The following CFAP161 variants were observed in gnomAD, a reference collection of about 807,000 sequenced individuals.
The protein encoded by CFAP161 is cilia- and flagella-associated protein 161.
CFAP161 carries 25 observed loss-of-function variants against 29.0 expected under a neutral mutation model. The observed-to-expected ratio is 0.86, with a 90% CI of 0.63 to 1.20. The LOEUF (loss-of-function observed/expected upper bound fraction) is 1.20, where lower values mean the gene tolerates loss of function less well. CFAP161 is among the 50% of genes most tolerant of loss of function. The pLI is 0.00. For synonymous variants in CFAP161, 116 were observed against 137.4 expected, an observed-to-expected ratio of 0.84 and a Z score of 1.09; for missense variants, 367 against 371.9, an observed-to-expected ratio of 0.99 and a Z score of 0.11.
chr15:81,108,424 G>A (rs373598218), intron 1 of CFAP161, among the ~76,000 whole-genome samples: 51 of 152,142 alleles, frequency 3.4e-4, no homozygotes, highest in African/African-American at 1.2e-3. Flanking sequence ...GGCCAGATAA[G>A]GGGTAGGAAG....
intron 5 of CFAP161, among the ~76,000 whole-genome samples, chr15:81,146,172 G>A (rs1254615401): frequency 6.6e-6 from 1 of 152,172 alleles, no homozygotes; most frequent in Non-Finnish European, 1.5e-5. Flanking sequence ...ATTCTGTGAA[G>A]TTGATTCTGT....
intron 5 of CFAP161, among the ~76,000 whole-genome samples, chr15:81,146,195 A>T (rs1030775387): frequency 4.6e-5 from 7 of 152,210 alleles, no homozygotes. Flanking sequence ...CCAGGAGAAC[A>T]CTAAAGCCTA....
At chr15:81,113,570 G>T (rs1894462551) in intron 1 of CFAP161, among the ~76,000 whole-genome samples, 1 of 152,134 alleles carries the variant, frequency 6.6e-6, no homozygotes, top group Non-Finnish European at 1.5e-5. Flanking sequence ...ATAGAGCCAG[G>T]AAAGTACTCT....
At chr15:81,133,571 C>T (rs527679618), upstream of CFAP161, among the ~76,000 whole-genome samples, 1 of 152,118 alleles carries the variant, frequency 6.6e-6, no homozygotes, top group Non-Finnish European at 1.5e-5. Flanking sequence ...TGGTATCCCT[C>T]CCCTCCCCAG....
At chr15:81,139,502 A>T (rs1379509816) in intron 4 of CFAP161, among the ~76,000 whole-genome samples, 1 of 152,172 alleles carries the variant, frequency 6.6e-6, no homozygotes, top group Non-Finnish European at 1.5e-5. Flanking sequence ...TAAAACTTAG[A>T]TAAATATACA....
At chr15:81,113,134 C>T (rs369600135) in intron 1 of CFAP161, among the ~76,000 whole-genome samples, 3 of 152,090 alleles carry the variant, frequency 2.0e-5, no homozygotes, top group East Asian at 1.9e-4. Context: ...AATTCATCTG[C>T]GTTGTAAGTT....
chr15:81,107,001 G>C (rs1170123414), intron 1 of CFAP161, among the ~76,000 whole-genome samples: 1 of 152,142 alleles, frequency 6.6e-6, no homozygotes. Context: ...AGGAGTGCAA[G>C]GCTACAGTGA....
rs752235224 is a variant in CFAP161 at position 81,109,588 on chromosome 15, C to A, written c.-141-18002C>A. Among the ~76,000 whole-genome samples, 34 of 152,208 alleles carry A rather than the reference C, an allele frequency of 2.2e-4. 1 individual carries two copies. Among genetic ancestry groups the A allele is most frequent in the Admixed American group, 6.5e-5 (1 of 15,292 alleles). On this transcript the variant is annotated intron_variant, in intron 1 of 4. Coordinates refer to the CFAP161 transcript ENST00000560091. ...GTGTGGTGGTGTATGCCTGTAGTCC[C>A]AGCTATTCAGGAGGCTGAGGCAGGA... is the stretch of plus-strand genomic sequence containing the variant.
intron 4 of CFAP161, among the ~76,000 whole-genome samples, chr15:81,139,956 G>GA (rs1894878408): frequency 6.6e-6 from 1 of 152,046 alleles, no homozygotes; most frequent in Admixed American, 6.6e-5. Context: ...AAAATGAAAA[G>GA]AAAAAATGAT....
rs1179088340 is a variant in CFAP161 at position 81,143,703 on chromosome 15, T to G, written c.519T>G (p.Ser173=). 6.2e-7 allele frequency: 1 copy of G among 1,614,092 alleles called. No individual in the cohort carries two copies. ...ACCACAGGACCCTCCTGAAATCGTCTAAGAGGTCTTGGCTCCAGGAAGTGT... is the reference window on the plus strand; with the variant it reads ...ACCACAGGACCCTCCTGAAATCGTCGAAGAGGTCTTGGCTCCAGGAAGTGT... ...SSDHRTLLKS[S]KRSWLQEVYL... is the part of the protein sequence containing the mutation. The change falls in exon 5 of 7, where the codon TCT becomes TCG. Residue 173 remains serine (S), a synonymous_variant. Transcript: ENST00000286732.
chr15:81,134,984 C>G (rs145536339), intron 1 of CFAP161, among the ~76,000 whole-genome samples: 1 of 152,318 alleles, frequency 6.6e-6, no homozygotes, highest in African/African-American at 2.4e-5. Context: ...GAAACCCCAG[C>G]AGGGGAGACA....
At chr15:81,145,922 C>CG (rs1217492131) in intron 5 of CFAP161, among the ~76,000 whole-genome samples, 1 of 152,132 alleles carries the variant, frequency 6.6e-6, no homozygotes, top group East Asian at 1.9e-4. Context: ...GGGGATAACT[C>CG]TATCATTGGT....
chr15:81,136,490 G>GT (rs1894810853), intron 2 of CFAP161, 26 bp from the exon 3 acceptor site: 2 of 1,596,696 alleles, frequency 1.3e-6, no homozygotes, highest in Admixed American at 3.3e-5. Flanking sequence ...CATGGTTTAT[G>GT]TAATAAACTA....
At chr15:81,105,108 T>TC (rs1567149825) in intron 1 of CFAP161, among the ~76,000 whole-genome samples, 1 of 19,114 alleles carries the variant, frequency 5.2e-5, no homozygotes, top group African/African-American at 1.1e-4. Context: ...CTCCCTCCCT[T>TC]CCTTTCTCCC....
chr15:81,103,496 C>A (rs1296384253), intron 1 of CFAP161, among the ~76,000 whole-genome samples: 2 of 152,082 alleles, frequency 1.3e-5, no homozygotes, highest in Admixed American at 6.5e-5. Context: ...ACAAAAAAAA[C>A]CCAAGAGGAC....
chr15:81,130,923 T>C (rs2141874352), upstream of CFAP161, among the ~76,000 whole-genome samples: 1 of 152,286 alleles, frequency 6.6e-6, no homozygotes, highest in East Asian at 1.9e-4. Context: ...TGCTATCTTA[T>C]ATGCCCATGG....
chr15:81,108,508 T>C (rs895613003), intron 1 of CFAP161, among the ~76,000 whole-genome samples: 2 of 152,160 alleles, frequency 1.3e-5, no homozygotes, highest in Non-Finnish European at 2.9e-5. Context: ...GGGCTTGTGG[T>C]CCTCAAGGGT....
chr15:81,120,894 C>G (rs934331327), intron 1 of CFAP161, among the ~76,000 whole-genome samples: 7 of 152,192 alleles, frequency 4.6e-5, no homozygotes, highest in African/African-American at 1.7e-4. Context: ...GAAATAGAAA[C>G]TGTCTGTAGT....
intron 1 of CFAP161, among the ~76,000 whole-genome samples, chr15:81,115,285 T>G (rs1047166326): frequency 6.6e-6 from 1 of 152,198 alleles, no homozygotes; most frequent in Non-Finnish European, 1.5e-5. Flanking sequence ...GATCAATATC[T>G]TTTTCCAAAA....
Sources: gnomAD v4.1 joint callset for allele counts (sites outside exome capture counted in the v4.1 genomes callset) on GRCh38, gnomAD v4.1.1 for gene constraint, MANE v1.5 for transcripts, NCBI Gene and HGNC (gene_info 2026-07-23, HGNC 2026-07-21) for gene names.